The following DLG2 variants were observed in gnomAD, a reference collection of about 807,000 sequenced individuals.
DLG2 encodes the protein disks large homolog 2.
In DLG2, 45 loss-of-function variants were observed where a neutral mutation model predicts 132.5. The ratio of observed to expected loss-of-function variants is 0.34; its 90% CI spans 0.27 to 0.44. The LOEUF is 0.44. Among genes scored for constraint, DLG2 ranks in the 20% least tolerant of loss-of-function variants. DLG2 has a pLI of 1.00. For missense variants in DLG2, 1,045 were observed against 1,196.9 expected, an observed-to-expected ratio of 0.87 and a Z score of 1.87; for synonymous variants, 424 against 419.6, an observed-to-expected ratio of 1.01 and a Z score of -0.13.
At chr11:83,583,833 G>C (rs1047267945) in intron 19 of DLG2, among the ~76,000 whole-genome samples, 9 of 152,296 alleles carry the variant, frequency 5.9e-5, no homozygotes, top group African/African-American at 1.9e-4. Flanking sequence ...AAATAGGTAA[G>C]ATTCAAAATG....
chr11:83,754,545 C>A (rs1593718984), intron 18 of DLG2, among the ~76,000 whole-genome samples: 1 of 151,464 alleles, frequency 6.6e-6, no homozygotes, highest in Admixed American at 6.5e-5. Context: ...TAGAGGTCTC[C>A]TATCCTTACT....
intron 6 of DLG2, among the ~76,000 whole-genome samples, chr11:84,628,107 CAT>C (rs35268909): frequency 0.33 from 49,860 of 149,794 alleles, 8,599 homozygotes; most frequent in East Asian, 0.52. Flanking sequence ...TATATACACA[CAT>C]ATATATATAT....
rs1158588444 is a variant in DLG2, at chr11:83,936,090, C to G, written c.1341-5607G>C. ...GCATAACCTCAGAAAATGTTGGTCC[C>G]CTTTGTGAGAATTCCTACAAATAAT... is the stretch of plus-strand genomic sequence containing the variant. On this transcript the variant is annotated intron_variant, in intron 14 of 27. Coordinates refer to ENST00000376104, the MANE Select transcript of DLG2 (RefSeq NM_001142699.3). Among the ~76,000 whole-genome samples the G allele has an allele frequency of 3.3e-5, 5 of 152,292 alleles. No individual in the cohort carries two copies. In the East Asian group the frequency reaches 9.6e-4, roughly 29 times the overall value.
At chr11:85,354,083 T>A (rs1331437789) in intron 3 of DLG2, among the ~76,000 whole-genome samples, 1 of 151,818 alleles carries the variant, frequency 6.6e-6, no homozygotes, top group Non-Finnish European at 1.5e-5. Context: ...TATGCCTAGG[T>A]CCTCTCGCAC....
At chr11:84,110,138 C>T (rs79636162) in intron 9 of DLG2, among the ~76,000 whole-genome samples, 1,924 of 152,190 alleles carry the variant, frequency 0.013, 25 homozygotes, top group Non-Finnish European at 0.022. Flanking sequence ...AGGCAGAAAA[C>T]ACATATAGGA....
intron 8 of DLG2, among the ~76,000 whole-genome samples, chr11:84,239,372 G>C (rs941710026): frequency 6.6e-6 from 1 of 151,988 alleles, no homozygotes; most frequent in African/African-American, 2.4e-5. Context: ...CCAGAGACAG[G>C]GTTTCACCAT....
intron 7 of DLG2, among the ~76,000 whole-genome samples, chr11:84,435,593 T>G (rs1221635307): frequency 1.3e-5 from 2 of 152,190 alleles, no homozygotes; most frequent in African/African-American, 2.4e-5. Flanking sequence ...GATTTCCTGA[T>G]GTAAATGTAT....
chr11:84,211,423 A>AAG, intron 8 of DLG2, among the ~76,000 whole-genome samples: 1 of 152,128 alleles, frequency 6.6e-6, no homozygotes, highest in Non-Finnish European at 1.5e-5. Context: ...TTATTTATTT[A>AAG]AGAGAGAGAT....
intron 6 of DLG2, among the ~76,000 whole-genome samples, chr11:84,891,298 A>G (rs2089348095): frequency 6.6e-6 from 1 of 152,194 alleles, no homozygotes; most frequent in African/African-American, 2.4e-5. Context: ...ATATAAAATA[A>G]CAGCAGCTTT....
intron 7 of DLG2, among the ~76,000 whole-genome samples, chr11:84,480,297 C>G (rs1255847423): frequency 6.6e-6 from 1 of 152,114 alleles, no homozygotes; most frequent in East Asian, 1.9e-4. Context: ...GAGTGACTTT[C>G]TGAGGCTCAT....
intron 6 of DLG2, among the ~76,000 whole-genome samples, chr11:84,874,038 G>A (rs17206745): frequency 0.13 from 19,957 of 152,092 alleles, 2,322 homozygotes; most frequent in African/African-American, 0.3. Context: ...AACCCTAGGG[G>A]AAACTAAACC....
At chr11:85,425,541 T>C (rs1227864333) in intron 3 of DLG2, among the ~76,000 whole-genome samples, 4 of 152,166 alleles carry the variant, frequency 2.6e-5, no homozygotes, top group Non-Finnish European at 5.9e-5. Flanking sequence ...ACTTTTAGAA[T>C]GTAACTTGTC....
intron 19 of DLG2, among the ~76,000 whole-genome samples, chr11:83,630,007 C>T (rs1444756372): frequency 2.0e-5 from 3 of 152,088 alleles, no homozygotes; most frequent in Non-Finnish European, 4.4e-5. Context: ...CCAAATCATT[C>T]CCACAGAACA....
intron 11 of DLG2, among the ~76,000 whole-genome samples, chr11:84,014,092 T>A (rs75384492): frequency 6.6e-6 from 1 of 152,134 alleles, no homozygotes; most frequent in Non-Finnish European, 1.5e-5. Context: ...TCAAGATTCA[T>A]CTGAGTTTTT....
intron 17 of DLG2, 27 bp downstream of exon 17, chr11:83,833,587 G>A (rs2055220779): frequency 6.3e-7 from 1 of 1,596,536 alleles, no homozygotes; most frequent in Non-Finnish European, 8.5e-7. Context: ...GATATGGAGG[G>A]AATAAAGATT....
chr11:85,628,357 T>C (rs1415859624), upstream of DLG2, among the ~76,000 whole-genome samples: 1 of 152,134 alleles, frequency 6.6e-6, no homozygotes, highest in Non-Finnish European at 1.5e-5. Flanking sequence ...AGCTGATAAA[T>C]AGTCAGGGAA....
intron 3 of DLG2, among the ~76,000 whole-genome samples, chr11:85,424,927 A>G (rs989782649): frequency 6.6e-6 from 1 of 152,128 alleles, no homozygotes; most frequent in Non-Finnish European, 1.5e-5. Context: ...TGCTTAAGCC[A>G]CCCTATCTAT....
intron 15 of DLG2, among the ~76,000 whole-genome samples, chr11:83,910,668 T>C (rs529929358): frequency 3.3e-5 from 5 of 152,230 alleles, no homozygotes; most frequent in African/African-American, 1.2e-4. Context: ...TCCAAGAATA[T>C]GTACAATTAT....
chr11:85,014,292 T>C (rs1230148980), intron 6 of DLG2, among the ~76,000 whole-genome samples: 2 of 152,204 alleles, frequency 1.3e-5, no homozygotes, highest in Non-Finnish European at 1.5e-5. Context: ...CAACAAGATA[T>C]GCAAAGTTCT....
Sources: gnomAD v4.1 joint callset for allele counts (sites outside exome capture counted in the v4.1 genomes callset) on GRCh38, gnomAD v4.1.1 for gene constraint, MANE v1.5 for transcripts, NCBI Gene and HGNC (gene_info 2026-07-23, HGNC 2026-07-21) for gene names.